Variants in C11orf21 observed in about 807,000 individuals in gnomAD.
The protein encoded by C11orf21 is chromosome 11 open reading frame 21.
In C11orf21, 19 loss-of-function variants were observed where a neutral mutation model predicts 15.2. That is an observed-to-expected ratio of 1.25 (90% confidence interval 0.87 to 1.84). The LOEUF is 1.84. Among genes scored for constraint, C11orf21 ranks in the 40% most tolerant of loss-of-function variants. C11orf21 has a pLI of 0.00. For synonymous variants in C11orf21, 62 were observed against 66.8 expected, an observed-to-expected ratio of 0.93 and a Z score of 0.35; for missense variants, 171 against 174.4, an observed-to-expected ratio of 0.98 and a Z score of 0.11.
upstream of C11orf21, chr11:2,302,286 G>A (rs1847798329): frequency 2.3e-6 from 3 of 1,323,298 alleles, no homozygotes; most frequent in Non-Finnish European, 2.9e-6. Context: ...CAGGGCCTCA[G>A]CACAGGGATT....
chr11:2,300,837 C>G, intron 1 of C11orf21: 1 of 1,456,180 alleles, frequency 6.9e-7, no homozygotes, highest in African/African-American at 1.4e-5. Context: ...CCCACTTGCA[C>G]AGCCCGGGGG....
chr11:2,299,201 A>G (rs1266734211), intron 3 of C11orf21, among the ~76,000 whole-genome samples: 1 of 152,202 alleles, frequency 6.6e-6, no homozygotes, highest in African/African-American at 2.4e-5. Flanking sequence ...TGGGCTCAGG[A>G]GAGGCTGCAA....
Position 2,295,738 on chromosome 11 carries a change from C to T in C11orf21, c.*2212G>A, listed in dbSNP as rs1172995991. 6.6e-6 allele frequency: 1 copy of T among 152,102 alleles called. No individual in the cohort carries two copies. The highest frequency in any genetic ancestry group is 2.4e-5 in the African/African-American group (1 of 41,404). 9.4% of individuals were successfully genotyped at this position (152,102 alleles called of 1,614,324 possible). On this transcript the variant is annotated 3_prime_UTR_variant, in exon 4 of 4. Coordinates refer to ENST00000381153, the MANE Select transcript of C11orf21 (RefSeq NM_001329958.2). The surrounding 1 kb of genome is among the most constrained non-coding windows in gnomAD (Gnocchi z 5.4). ...ACAAGAAGAGTGAACCCTCATGTAA[C>T]CTGATCAATGACTAGGTCAATATTG...
At chr11:2,302,811 A>G (rs2074022), upstream of C11orf21, 1,433,398 of 1,586,748 alleles carry the variant, frequency 0.9, 653,997 homozygotes, top group African/African-American at 0.95. Context: ...CAGCAGTCCC[A>G]TGCCCCACAC....
At chr11:2,299,833 C>T (rs561901174) in intron 2 of C11orf21, 126 bp from the exon 3 acceptor site, 2 of 482,752 alleles carry the variant, frequency 4.1e-6, no homozygotes, top group East Asian at 4.0e-5. Flanking sequence ...TCCACGTCTG[C>T]ACACGCATCC....
At chr11:2,303,033 C>T (rs536122240), upstream of C11orf21, 85 of 1,342,934 alleles carry the variant, frequency 6.3e-5, no homozygotes, top group East Asian at 3.0e-4. Flanking sequence ...CCCAGCTGGA[C>T]GCCTCACAGC....
chr11:2,298,244 G>C (rs900932352), intron 3 of C11orf21, among the ~76,000 whole-genome samples: 1 of 152,244 alleles, frequency 6.6e-6, no homozygotes, highest in Non-Finnish European at 1.5e-5. Flanking sequence ...CCCAGAGAGA[G>C]GGCAGCCTGG....
upstream of C11orf21, chr11:2,302,007 G>T: frequency 6.7e-7 from 1 of 1,487,634 alleles, no homozygotes; most frequent in South Asian, 1.4e-5. Flanking sequence ...CCAGCAGCTC[G>T]GTCCTAGGGC....
At chr11:2,299,392 G>A (rs992885310) in intron 3 of C11orf21, 36 bp downstream of exon 3, 3 of 1,534,502 alleles carry the variant, frequency 2.0e-6, no homozygotes, top group Admixed American at 2.0e-5. Context: ...CAGCACAGGG[G>A]CCCCCAGGCT....
intron 3 of C11orf21, 57 bp downstream of exon 3, chr11:2,299,371 G>T: frequency 6.7e-7 from 1 of 1,491,720 alleles, no homozygotes; most frequent in Non-Finnish European, 8.9e-7. Flanking sequence ...GGGAGGGGCC[G>T]CGCTCACAGA....
Position 2,299,452 on chromosome 11 carries a change from T to C in C11orf21, c.*4A>G, listed in dbSNP as rs1484339711. 3 of 1,550,002 alleles carry C rather than the reference T, an allele frequency of 1.9e-6. No homozygotes were observed. The highest frequency in any genetic ancestry group is 2.0e-5 in the Admixed American group (1 of 50,994). ...CCTCTGATGGACAGAAAAGGGTCCC[T>C]GTCTCAGGAAGGTAGAGGCTGCCAC... On this transcript the variant is annotated 3_prime_UTR_variant, in exon 3 of 4. Coordinates refer to ENST00000381153, the MANE Select transcript of C11orf21 (RefSeq NM_001329958.2).
At chr11:2,301,139 C>A in intron 1 of C11orf21, 1 of 285,684 alleles carries the variant, frequency 3.5e-6, no homozygotes. Context: ...GTTCCTCCAG[C>A]AGCGTTCCTG....
Position 2,301,804 on chromosome 11 carries a change from C to T in C11orf21, c.5G>A (p.Gly2Asp), listed in dbSNP as rs576504523. ...CCTCCACATCCCACACCAGGTCCTG[C>T]CCATGACTTTCCCCCTCTCAGCGCC... The part of the protein sequence containing the change: M[G>D]RTWCGMWRRR... Residue 2 changes from glycine (G) to aspartate (D), a missense_variant, in exon 1 of 4, where the codon GGC (glycine) becomes GAC (aspartate). Coordinates refer to ENST00000381153, the MANE Select transcript of C11orf21 (RefSeq NM_001329958.2). 7 of 1,550,814 alleles carry T rather than the reference C, an allele frequency of 4.5e-6. No homozygotes were observed. In the South Asian group the frequency reaches 8.3e-5, roughly 18 times the overall value.
chr11:2,296,221 G>C lies in C11orf21; in HGVS notation c.*1729C>G, dbSNP rs1428412724. 6.6e-6 allele frequency: 1 copy of C among 152,250 alleles called. No individual in the cohort carries two copies. Among genetic ancestry groups the C allele is most frequent in the Non-Finnish European group, 1.5e-5 (1 of 68,068 alleles). 9.4% of individuals were successfully genotyped at this position (152,250 alleles called of 1,614,324 possible). On this transcript the variant is annotated 3_prime_UTR_variant, in exon 4 of 4. Coordinates refer to ENST00000381153, the MANE Select transcript of C11orf21 (RefSeq NM_001329958.2). This position sits in a 1 kb window ranked among gnomAD's most constrained non-coding sequence, Gnocchi z 5.6. ...TTGACTGACAATTTTCCTAGGCAGA[G>C]TTCACCCCAATGGCTTCCACCTGGC...
upstream of C11orf21, chr11:2,302,825 G>A: frequency 1.9e-6 from 3 of 1,607,504 alleles, no homozygotes; most frequent in Non-Finnish European, 2.6e-6. Flanking sequence ...CCCACACTCT[G>A]AGTCTGCCCT....
At position 2,299,699 on chromosome 11, in the gene C11orf21, A is replaced by C; in HGVS notation, c.156T>G (p.Pro52=). The part of the protein sequence containing the change: ...PGWPSRDQEA[P]GSMMPPAAAQ... ...CAGCTGCAGGTGGCATCATTGAGCC[A>C]GGGGCCTCCTGGTGGGTAAGGACAT... Residue 52 remains proline, a synonymous_variant, in exon 3 of 4, where the codon CCT becomes CCG. Transcript: ENST00000381153. The C allele has an allele frequency of 6.4e-7, 1 of 1,550,976 alleles. No individual in the cohort carries two copies. The highest frequency in any genetic ancestry group is 1.2e-5 in the South Asian group (1 of 84,054).
At position 2,299,514 on chromosome 11, in the gene C11orf21, C is replaced by G. The variant is rs995250840; in HGVS notation, c.341G>C (p.Gly114Ala). 1 of 1,550,522 alleles carries G rather than the reference C, an allele frequency of 6.4e-7. No individual in the cohort carries two copies. The highest frequency in any genetic ancestry group is 8.7e-7 in the Non-Finnish European group (1 of 1,146,972). The part of the protein sequence containing the change: ...RLGWDLDLEA[G>A]PSSGKLCPRA... Reference sequence around the variant, plus strand: ...AGGACACAGCTTTCCAGAGGAGGGGCCTGCTTCTAAGTCCAAGTCCCATCC... The same window carrying G: ...AGGACACAGCTTTCCAGAGGAGGGGGCTGCTTCTAAGTCCAAGTCCCATCC... The change falls in exon 3 of 4, where the codon GGC (glycine) becomes GCC (alanine). Residue 114 changes from glycine (G) to alanine (A), a missense_variant. By Grantham distance (60) the Gly-to-Ala change is moderately conservative. Coordinates refer to ENST00000381153, the MANE Select transcript of C11orf21 (RefSeq NM_001329958.2).
At chr11:2,302,830 T>G (rs1199992618), upstream of C11orf21, 1 of 1,610,100 alleles carries the variant, frequency 6.2e-7, no homozygotes, top group East Asian at 2.2e-5. Flanking sequence ...ACTCTGAGTC[T>G]GCCCTATCCA....
At chr11:2,300,396 C>T (rs560092559) in intron 2 of C11orf21, 124 bp downstream of exon 2, 3 of 678,732 alleles carry the variant, frequency 4.4e-6, no homozygotes, top group East Asian at 2.7e-5. Flanking sequence ...TTCCCCTCAA[C>T]AAGCCACTTC....
Sources: allele counts gnomAD v4.1 joint callset (sites outside exome capture counted in the v4.1 genomes callset), GRCh38; gene constraint gnomAD v4.1.1; non-coding constraint Gnocchi (gnomAD v3.1); transcripts MANE v1.5; gene names NCBI Gene and HGNC (gene_info 2026-07-23, HGNC 2026-07-21).